CNTN3: variants seen among roughly 807,000 people sequenced by gnomAD.
CNTN3 encodes contactin-3.
In CNTN3, 60 loss-of-function variants were observed where a neutral mutation model predicts 119.1. The observed-to-expected ratio is 0.50, with a 90% confidence interval of 0.41 to 0.62. The LOEUF (loss-of-function observed/expected upper bound fraction) is 0.62. Among genes scored for constraint, CNTN3 ranks in the 20% least tolerant of loss-of-function variants. CNTN3 has a pLI of 0.00. For missense variants in CNTN3, 1,101 were observed against 1,242.4 expected (o/e 0.89, Z 1.71); for synonymous variants, 450 against 438.7 (o/e 1.03, Z -0.32).
intron 13 of CNTN3, among the ~76,000 whole-genome samples, chr3:74,305,388 T>C (rs553877285): frequency 3.3e-5 from 5 of 152,150 alleles, no homozygotes; most frequent in African/African-American, 1.2e-4. Context: ...TTATGACCCA[T>C]CAATTCCATT....
intron 9 of CNTN3, 83 bp downstream of exon 9, chr3:74,365,483 A>C: frequency 1.3e-6 from 2 of 1,565,008 alleles, no homozygotes; most frequent in Admixed American, 3.4e-5. Context: ...CTAGGGACTA[A>C]AGAAAGCATT....
At chr3:74,472,409 A>G (rs1408846965) in intron 4 of CNTN3, among the ~76,000 whole-genome samples, 1 of 152,226 alleles carries the variant, frequency 6.6e-6, no homozygotes, top group Non-Finnish European at 1.5e-5. Flanking sequence ...TTACCTGTCA[A>G]TGGAATCGTC....
intron 1 of CNTN3, among the ~76,000 whole-genome samples, chr3:74,591,103 A>G (rs1296449416): frequency 6.6e-6 from 1 of 150,752 alleles, no homozygotes; most frequent in African/African-American, 2.5e-5. Flanking sequence ...CTAATCATTT[A>G]CAGAGTAAAA....
At chr3:74,403,672 C>T (rs1288552996) in intron 5 of CNTN3, among the ~76,000 whole-genome samples, 1 of 152,002 alleles carries the variant, frequency 6.6e-6, no homozygotes, top group Non-Finnish European at 1.5e-5. Context: ...AAGAGCTCAT[C>T]CTTTTATTAA....
intron 1 of CNTN3, among the ~76,000 whole-genome samples, chr3:74,566,312 G>A (rs1385258858): frequency 2.6e-5 from 4 of 152,118 alleles, no homozygotes; most frequent in East Asian, 1.9e-4. Flanking sequence ...GGCCACCTTC[G>A]CTTTGAAGGG....
intron 1 of CNTN3, among the ~76,000 whole-genome samples, chr3:74,524,532 G>T (rs959427200): frequency 6.6e-6 from 1 of 151,886 alleles, no homozygotes; most frequent in African/African-American, 2.4e-5. Context: ...AAGAAAAGAA[G>T]AGATGAAATA....
rs143429016 is a variant in CNTN3, at chr3:74,528,722, G to A, written c.-80-7530C>T. ...AATCAGATCATTAGAGAGCCATGAA[G>A]TATAACCTGATATTTTATGTATTTT... On this transcript the variant is annotated intron_variant, in intron 1 of 22. Transcript: ENST00000263665. 4.1e-3 allele frequency among the ~76,000 whole-genome samples: 623 copies of A among 151,996 alleles called. 2 individuals are homozygous for A. The highest frequency in any genetic ancestry group is 0.013 in the African/African-American group (560 of 41,510).
At chr3:74,551,360 G>T (rs529765304) in intron 1 of CNTN3, among the ~76,000 whole-genome samples, 3 of 152,152 alleles carry the variant, frequency 2.0e-5, no homozygotes, top group Admixed American at 1.3e-4. Context: ...CAGCAAAACT[G>T]AGAAGAAAGT....
At chr3:74,373,137 T>C (rs933573260) in intron 5 of CNTN3, among the ~76,000 whole-genome samples, 2 of 152,198 alleles carry the variant, frequency 1.3e-5, no homozygotes, top group Non-Finnish European at 2.9e-5. Flanking sequence ...AAGTCACTTA[T>C]CGGGTTGTAT....
At chr3:74,465,641 T>C (rs1368887706) in intron 4 of CNTN3, among the ~76,000 whole-genome samples, 4 of 152,218 alleles carry the variant, frequency 2.6e-5, no homozygotes, top group African/African-American at 4.8e-5. Context: ...GAAAAGTCTG[T>C]AGCACAATAC....
chr3:74,366,780 G>GTGTATATATATA (rs1447686332), intron 8 of CNTN3, among the ~76,000 whole-genome samples: 1,743 of 63,578 alleles, frequency 0.027, 60 homozygotes, highest in Admixed American at 0.037. Flanking sequence ...GTGTGTGTGT[G>GTGTATATATATA]TATATATATA....
At chr3:74,452,829 C>T (rs974171543) in intron 4 of CNTN3, among the ~76,000 whole-genome samples, 9 of 151,852 alleles carry the variant, frequency 5.9e-5, no homozygotes, top group East Asian at 1.9e-4. Context: ...TACTGATTTG[C>T]GTATACTGAA....
chr3:74,353,379 G>A (rs1328148496), intron 11 of CNTN3, among the ~76,000 whole-genome samples: 5 of 152,206 alleles, frequency 3.3e-5, no homozygotes, highest in Non-Finnish European at 7.3e-5. Context: ...TGGCCAGTTA[G>A]GAGCATTTCT....
chr3:74,436,617 A>C (rs946289972), intron 4 of CNTN3, among the ~76,000 whole-genome samples: 1 of 152,228 alleles, frequency 6.6e-6, no homozygotes, highest in African/African-American at 2.4e-5. Flanking sequence ...AATATGAAAA[A>C]AGGAATATGT....
chr3:74,335,169 G>A (rs1415929732), intron 12 of CNTN3, among the ~76,000 whole-genome samples: 1 of 152,084 alleles, frequency 6.6e-6, no homozygotes, highest in Non-Finnish European at 1.5e-5. Context: ...AAAAATTAAA[G>A]TCGTGTAAAC....
intron 13 of CNTN3, among the ~76,000 whole-genome samples, chr3:74,326,670 G>C (rs1288942738): frequency 6.6e-6 from 1 of 151,996 alleles, no homozygotes; most frequent in African/African-American, 2.4e-5. Context: ...ATTTAGAGTT[G>C]ATACTATTGG....
At chr3:74,546,470 C>T (rs1703916813) in intron 1 of CNTN3, among the ~76,000 whole-genome samples, 1 of 152,156 alleles carries the variant, frequency 6.6e-6, no homozygotes, top group Non-Finnish European at 1.5e-5. Context: ...TGTGGGTGGG[C>T]ACAATCTAAT....
chr3:74,582,278 C>T (rs1048617937), intron 1 of CNTN3, among the ~76,000 whole-genome samples: 8 of 151,856 alleles, frequency 5.3e-5, no homozygotes, highest in Admixed American at 1.3e-4. Context: ...TGGTGGCGGG[C>T]GCCTGTAGTC....
chr3:74,544,039 T>C (rs77525012), intron 1 of CNTN3, among the ~76,000 whole-genome samples: 5,625 of 152,284 alleles, frequency 0.037, 140 homozygotes, highest in South Asian at 0.069. Context: ...ATGGAGGAGT[T>C]TGTAGAGTCA....
Sources: gnomAD v4.1 joint callset for allele counts (sites outside exome capture counted in the v4.1 genomes callset) on GRCh38, gnomAD v4.1.1 for gene constraint, MANE v1.5 for transcripts, NCBI Gene and HGNC (gene_info 2026-07-23, HGNC 2026-07-21) for gene names.